UROS: variants seen among roughly 807,000 people sequenced by gnomAD.
UROS encodes uroporphyrinogen-III synthase.
Under a neutral mutation model 33.0 loss-of-function variants are expected in UROS, and 18 were observed. The observed-to-expected ratio is 0.55, with a 90% confidence interval of 0.38 to 0.81. UROS has a LOEUF of 0.81. Among genes scored for constraint, UROS ranks in the 30% least tolerant of loss-of-function variants. The pLI, the probability that UROS is intolerant of heterozygous loss-of-function variation, is 0.00. For synonymous variants in UROS, 114 were observed against 121.1 expected (o/e 0.94, Z 0.38); for missense variants, 293 against 314.9 (o/e 0.93, Z 0.53).
rs754561626 is a variant in UROS at position 125,807,361 on chromosome 10, G to A, written c.394+52C>T. On this transcript the variant is annotated intron_variant, in intron 6 of 9. Transcript: ENST00000368797. ...ATTCTTTTCCCTAGGTAGTGGTTGT[G>A]AGGTCAACAAAAAATAAATGGCTTC... 4 of 1,488,254 alleles carry A rather than the reference G, an allele frequency of 2.7e-6. No individual in the cohort carries two copies. In the South Asian group the frequency reaches 4.5e-5, roughly 17 times the overall value. 92.2% of individuals were successfully genotyped at this position (1,488,254 alleles called of 1,614,324 possible). A position where few individuals can be genotyped will look rare whatever the true frequency, so the allele number is the denominator to read the frequency against.
At chr10:125,799,200 TTTTC>T (rs1289918636) in intron 6 of UROS, among the ~76,000 whole-genome samples, 3 of 152,202 alleles carry the variant, frequency 2.0e-5, no homozygotes, top group Non-Finnish European at 4.4e-5. Flanking sequence ...CTGGTGAATG[TTTTC>T]TTTATTTAAA....
chr10:125,818,733 T>G (rs1853586952), intron 1 of UROS, among the ~76,000 whole-genome samples: 1 of 152,128 alleles, frequency 6.6e-6, no homozygotes, highest in South Asian at 2.1e-4. Flanking sequence ...TCAGTCTCAG[T>G]TTCAGATTCC....
intron 1 of UROS, chr10:125,816,758 C>G: frequency 1.7e-6 from 1 of 571,834 alleles, no homozygotes; most frequent in Non-Finnish European, 3.1e-6. Flanking sequence ...ACAGATGAAA[C>G]CATTAGTGAA....
At chr10:125,802,509 G>A (rs1460583424) in intron 6 of UROS, 1 of 989,240 alleles carries the variant, frequency 1.0e-6, no homozygotes, top group African/African-American at 1.7e-5. Context: ...CTTTGAATTG[G>A]CCTCCAGAGG....
chr10:125,815,955 T>A (rs1310427260), intron 3 of UROS, among the ~76,000 whole-genome samples: 1 of 152,132 alleles, frequency 6.6e-6, no homozygotes, highest in East Asian at 1.9e-4. Flanking sequence ...CCTGCTCTCC[T>A]GGGCCCCAAT....
At chr10:125,794,784 G>T (rs1258173550) in intron 9 of UROS, 96 bp downstream of exon 9, 3 of 1,190,088 alleles carry the variant, frequency 2.5e-6, no homozygotes, top group Non-Finnish European at 3.6e-6. Flanking sequence ...TAGGCCAGGG[G>T]TGTCTCACTT....
At chr10:125,794,195 T>C (rs41315014) in intron 9 of UROS, 136,305 of 279,820 alleles carry the variant, frequency 0.49, 33,538 homozygotes, top group Non-Finnish European at 0.51. Context: ...GGCCATATGA[T>C]GTCTCTGAGC....
chr10:125,804,847 A>G (rs1020069032), intron 6 of UROS, among the ~76,000 whole-genome samples: 2 of 152,194 alleles, frequency 1.3e-5, no homozygotes, highest in Non-Finnish European at 2.9e-5. Flanking sequence ...ACTGATGTAT[A>G]TGTTCCCCAC....
chr10:125,821,057 T>A (rs1029491951), intron 1 of UROS, among the ~76,000 whole-genome samples: 4 of 152,198 alleles, frequency 2.6e-5, no homozygotes, highest in Non-Finnish European at 2.9e-5. Flanking sequence ...CTGTGAAAGA[T>A]TTGCAAACTA....
intron 5 of UROS, among the ~76,000 whole-genome samples, chr10:125,811,708 C>T (rs972987227): frequency 2.0e-5 from 3 of 151,704 alleles, no homozygotes; most frequent in South Asian, 2.1e-4. Flanking sequence ...ATTTAAAATG[C>T]TCAATGTTAA....
Position 125,788,939 on chromosome 10 carries a change from C to A in UROS, c.727G>T (p.Ala243Ser). The change falls in exon 10 of 10, where the codon GCA becomes TCA. Residue 243 changes from alanine to serine, a missense_variant. Ala to Ser is a moderately conservative substitution (Grantham distance 99). Transcript: ENST00000368797. ...AAQGLPVSCTAESPTPQALAT... is the reference protein window; with the variant it reads ...AAQGLPVSCTSESPTPQALAT... Reference sequence around the variant, plus strand: ...AGGGCTTGTGGCGTGGGGCTCTCTGCAGTGCAGCTTACAGGAAGGCCCTGG... The same window carrying A: ...AGGGCTTGTGGCGTGGGGCTCTCTGAAGTGCAGCTTACAGGAAGGCCCTGG... 6.2e-7 allele frequency: 1 copy of A among 1,610,700 alleles called. No individual in the cohort carries two copies. Among genetic ancestry groups the A allele is most frequent in the Non-Finnish European group, 8.5e-7 (1 of 1,179,504 alleles).
At chr10:125,818,452 C>T (rs998661363) in intron 1 of UROS, among the ~76,000 whole-genome samples, 7 of 152,042 alleles carry the variant, frequency 4.6e-5, no homozygotes, top group African/African-American at 1.7e-4. Context: ...ATAATCGTGC[C>T]ACTGCACTCC....
At position 125,788,976 on chromosome 10, in the gene UROS, G is replaced by A. The variant is rs745712070; in HGVS notation, c.690C>T (p.Arg230=). Residue 230 remains arginine (R), a synonymous_variant, in exon 10 of 10, where the codon CGC becomes CGT. Transcript: ENST00000368797. ...CAGGAAGGCCCTGGGCGGCCAGCGC[G>A]CGAGCCGTAGTGGGGCCGATGGCTG... The part of the protein sequence containing the change: ...KFAAIGPTTA[R]ALAAQGLPVS... 62 of 1,612,204 alleles carry A rather than the reference G, an allele frequency of 3.8e-5. No individual in the cohort carries two copies. The highest frequency in any genetic ancestry group is 4.8e-5 in the Non-Finnish European group (57 of 1,179,886).
intron 1 of UROS, among the ~76,000 whole-genome samples, chr10:125,817,891 T>C (rs940074137): frequency 1.3e-5 from 2 of 152,202 alleles, no homozygotes; most frequent in Admixed American, 6.5e-5. Flanking sequence ...TATAAAAATA[T>C]AAAGTATCAC....
chr10:125,805,228 T>C (rs990032883), intron 6 of UROS, among the ~76,000 whole-genome samples: 1 of 152,212 alleles, frequency 6.6e-6, no homozygotes, highest in Admixed American at 6.5e-5. Flanking sequence ...GGAGGCTCCT[T>C]AAGCCTCTGC....
At chr10:125,795,355 C>G in intron 8 of UROS, 1 of 305,618 alleles carries the variant, frequency 3.3e-6, no homozygotes, top group Admixed American at 4.7e-5. Context: ...TGCTCCCTCC[C>G]TCTGGAAGCA....
At chr10:125,821,725 G>A (rs1853921761) in intron 1 of UROS, among the ~76,000 whole-genome samples, 2 of 152,192 alleles carry the variant, frequency 1.3e-5, no homozygotes, top group Admixed American at 1.3e-4. Flanking sequence ...TGGTCTTTCT[G>A]AGTCTTTTTT....
intron 4 of UROS, among the ~76,000 whole-genome samples, chr10:125,814,466 G>A (rs1299634734): frequency 2.0e-5 from 3 of 152,168 alleles, no homozygotes; most frequent in African/African-American, 4.8e-5. Flanking sequence ...GTTATCTAGG[G>A]TTAAGTGGGG....
chr10:125,822,874 G>A (rs1268962668), intron 1 of UROS, among the ~76,000 whole-genome samples, 155 bp downstream of exon 1: 1 of 152,234 alleles, frequency 6.6e-6, no homozygotes, highest in East Asian at 1.9e-4. Flanking sequence ...CACCGGCGCA[G>A]CGGTAGCGGC....
Sources: gnomAD v4.1 joint callset for allele counts (sites outside exome capture counted in the v4.1 genomes callset) on GRCh38, gnomAD v4.1.1 for gene constraint, MANE v1.5 for transcripts, NCBI Gene and HGNC (gene_info 2026-07-23, HGNC 2026-07-21) for gene names.